The following CHMP3 variants were observed in gnomAD, a reference collection of about 807,000 sequenced individuals.
CHMP3 encodes charged multivesicular body protein 3.
CHMP3 carries 8 observed loss-of-function variants against 27.4 expected under a neutral mutation model. The observed-to-expected ratio is 0.29, with a 90% confidence interval of 0.17 to 0.53. The LOEUF (loss-of-function observed/expected upper bound fraction) is 0.53. Among genes scored for constraint, CHMP3 ranks in the 20% least tolerant of loss-of-function variants. The probability of loss-of-function intolerance (pLI) is 0.96; values close to 1 mark genes in which losing one functional copy is unlikely to be tolerated. For missense variants in CHMP3, 208 were observed against 271.5 expected, an observed-to-expected ratio of 0.77 and a Z score of 1.64; for synonymous variants, 86 against 85.5, an observed-to-expected ratio of 1.01 and a Z score of -0.03.
chr2:86,554,725 A>G (rs1050638718), intron 1 of CHMP3, among the ~76,000 whole-genome samples: 17 of 152,146 alleles, frequency 1.1e-4, no homozygotes, highest in Admixed American at 2.0e-4. Flanking sequence ...ACAAATACAC[A>G]AGCATACAGG....
At chr2:86,558,724 T>A (rs1302042253) in intron 1 of CHMP3, among the ~76,000 whole-genome samples, 1 of 152,134 alleles carries the variant, frequency 6.6e-6, no homozygotes, top group Non-Finnish European at 1.5e-5. Context: ...TGTAAGTTTA[T>A]CCCAACTCAA....
At chr2:86,549,584 C>T (rs907964926) in intron 1 of CHMP3, among the ~76,000 whole-genome samples, 5 of 148,484 alleles carry the variant, frequency 3.4e-5, no homozygotes, top group Admixed American at 2.0e-4. Flanking sequence ...CAGAGACGCC[C>T]CTCCCCTCCC....
chr2:86,549,618 A>G (rs1235646866), intron 1 of CHMP3, among the ~76,000 whole-genome samples: 47 of 84,496 alleles, frequency 5.6e-4, no homozygotes, highest in East Asian at 2.2e-3. Context: ...GGGAAGAGGC[A>G]CTCCTCACCT....
At chr2:86,562,014 A>T (rs948206790) in intron 1 of CHMP3, 1 of 152,248 alleles carries the variant, frequency 6.6e-6, no homozygotes, top group African/African-American at 2.4e-5. Context: ...GTGCATCTAT[A>T]TAATGTTCTA....
At chr2:86,510,240 A>T in intron 4 of CHMP3, 118 bp downstream of exon 4, 1 of 1,441,030 alleles carries the variant, frequency 6.9e-7, no homozygotes. Context: ...CCTTAAAATT[A>T]ATTCTGTCTA....
At chr2:86,520,144 C>T (rs1675465928) in intron 3 of CHMP3, among the ~76,000 whole-genome samples, 1 of 152,140 alleles carries the variant, frequency 6.6e-6, no homozygotes, top group African/African-American at 2.4e-5. Context: ...TGAACAATTA[C>T]TTTTATTTTA....
chr2:86,538,217 G>A (rs1015776575), intron 2 of CHMP3, among the ~76,000 whole-genome samples: 5 of 152,092 alleles, frequency 3.3e-5, no homozygotes, highest in South Asian at 2.1e-4. Flanking sequence ...ACTTAGAATC[G>A]TCAAATACTT....
intron 1 of CHMP3, among the ~76,000 whole-genome samples, chr2:86,548,328 T>C (rs769674844): frequency 2.3e-4 from 35 of 152,182 alleles, no homozygotes; most frequent in Non-Finnish European, 1.8e-4. Flanking sequence ...AGGCAGAGGT[T>C]CCTGCGGCCT....
chr2:86,530,882 G>A (rs533480742), intron 2 of CHMP3, among the ~76,000 whole-genome samples: 2 of 152,248 alleles, frequency 1.3e-5, no homozygotes, highest in East Asian at 1.9e-4. Context: ...TCATCCTAAC[G>A]GGTATGAGGT....
chr2:86,518,361 T>A (rs938488251), intron 3 of CHMP3, among the ~76,000 whole-genome samples: 6 of 152,122 alleles, frequency 3.9e-5, no homozygotes, highest in Non-Finnish European at 7.4e-5. Flanking sequence ...TTCTATAATA[T>A]GGTGAACCAA....
At chr2:86,550,361 GGGAGAC>G (rs1213232750) in intron 1 of CHMP3, among the ~76,000 whole-genome samples, 3 of 151,996 alleles carry the variant, frequency 2.0e-5, no homozygotes, top group African/African-American at 7.2e-5. Context: ...CGGCAACAGA[GGGAGAC>G]GGAGACGGAG....
At chr2:86,556,788 T>C (rs1489118632) in intron 1 of CHMP3, among the ~76,000 whole-genome samples, 1 of 152,166 alleles carries the variant, frequency 6.6e-6, no homozygotes, top group Admixed American at 6.5e-5. Flanking sequence ...TACAACACCC[T>C]CCTCGGGGTC....
chr2:86,557,200 C>G (rs757349045), intron 1 of CHMP3, among the ~76,000 whole-genome samples: 84 of 152,310 alleles, frequency 5.5e-4, no homozygotes, highest in Non-Finnish European at 7.6e-4. Flanking sequence ...CTCTCCATTT[C>G]AGCTCATGGC....
At chr2:86,513,933 A>G (rs2104747427) in intron 3 of CHMP3, among the ~76,000 whole-genome samples, 1 of 152,366 alleles carries the variant, frequency 6.6e-6, no homozygotes, top group Non-Finnish European at 1.5e-5. Flanking sequence ...CCATTTCCTC[A>G]CTGCCATCTT....
intron 1 of CHMP3, among the ~76,000 whole-genome samples, chr2:86,558,843 C>A (rs1677235598): frequency 6.8e-6 from 1 of 146,206 alleles, no homozygotes; most frequent in African/African-American, 2.6e-5. Context: ...CACTTGGCCT[C>A]TTAAGTATTT....
intron 1 of CHMP3, among the ~76,000 whole-genome samples, chr2:86,544,998 G>A (rs1389444185): frequency 1.6e-3 from 196 of 125,374 alleles, no homozygotes; most frequent in African/African-American, 4.3e-3. Flanking sequence ...GACGAAGGGC[G>A]GCCGGGCAGA....
intron 1 of CHMP3, among the ~76,000 whole-genome samples, chr2:86,550,619 T>C (rs975382134): frequency 4.6e-5 from 7 of 152,246 alleles, no homozygotes; most frequent in African/African-American, 1.7e-4. Context: ...ATATAAATGG[T>C]AATAAATAAA....
rs540579030 is a variant in CHMP3 at position 86,516,073 on chromosome 2, G to A, written c.287-5594C>T. 7.9e-5 allele frequency among the ~76,000 whole-genome samples: 12 copies of A among 151,330 alleles called. No individual in the cohort carries two copies. In the South Asian group the frequency reaches 8.4e-4, roughly 11 times the overall value. ...TGAGACAGGGAAATCACTTCAACCC[G>A]GGAGGCGGAGACTGCAGTGAGCCGA... On this transcript the variant is annotated intron_variant, in intron 3 of 5. Coordinates refer to ENST00000263856, the MANE Select transcript of CHMP3 (RefSeq NM_016079.4).
chr2:86,561,611 T>A (rs1677371900), intron 1 of CHMP3: 1 of 152,138 alleles, frequency 6.6e-6, no homozygotes, highest in African/African-American at 2.4e-5. Flanking sequence ...CAACTAAAAT[T>A]TTTTATTCAA....
Sources: gnomAD v4.1 joint callset for allele counts (sites outside exome capture counted in the v4.1 genomes callset) on GRCh38, gnomAD v4.1.1 for gene constraint, MANE v1.5 for transcripts, NCBI Gene and HGNC (gene_info 2026-07-23, HGNC 2026-07-21) for gene names.